Variants in RACGAP1 observed in about 807,000 individuals in gnomAD.
The protein encoded by RACGAP1 is Rac GTPase activating protein 1, also known as rac GTPase-activating protein 1.
RACGAP1 carries 30 observed loss-of-function variants against 78.1 expected under a neutral mutation model. That is an observed-to-expected ratio of 0.38 (90% CI 0.29 to 0.52). The LOEUF is 0.52. RACGAP1 is among the 20% of genes least tolerant of loss of function. The pLI, the probability that RACGAP1 is intolerant of heterozygous loss-of-function variation, is 0.82. For synonymous variants in RACGAP1, 231 were observed against 264.8 expected (o/e 0.87, Z 1.24); for missense variants, 587 against 777.1 (o/e 0.76, Z 2.91).
chr12:50,003,654 C>A (rs2137411897), intron 5 of RACGAP1, among the ~76,000 whole-genome samples: 1 of 152,296 alleles, frequency 6.6e-6, no homozygotes, highest in East Asian at 1.9e-4. Flanking sequence ...ACCTTTTATG[C>A]AGAAGCATCA....
intron 2 of RACGAP1, among the ~76,000 whole-genome samples, chr12:50,012,137 A>C (rs1318341606): frequency 6.6e-6 from 1 of 151,770 alleles, no homozygotes; most frequent in African/African-American, 2.4e-5. Context: ...CCAAAAAAAT[A>C]AAAACTAGGC....
chr12:49,996,776 G>A (rs539627743), intron 10 of RACGAP1, among the ~76,000 whole-genome samples: 5 of 151,384 alleles, frequency 3.3e-5, no homozygotes, highest in Non-Finnish European at 7.4e-5. Flanking sequence ...TGGGATGAAG[G>A]GGAGGAAGGA....
chr12:49,990,332 T>C lies in RACGAP1; in HGVS notation c.1835A>G (p.Lys612Arg). The C allele has an allele frequency of 6.2e-7, 1 of 1,613,352 alleles. No individual in the cohort carries two copies. The highest frequency in any genetic ancestry group is 8.5e-7 in the Non-Finnish European group (1 of 1,179,298). ...LTKNTPRFGS[K>R]SKSATNLGRQ... ...TCCTAGGTTAGTGGCAGACTTGCTTTTGCTCCCAAATCTACAATAAAAAGA... is the reference window on the plus strand; with the variant it reads ...TCCTAGGTTAGTGGCAGACTTGCTTCTGCTCCCAAATCTACAATAAAAAGA... Residue 612 changes from lysine to arginine, a missense_variant, in exon 17 of 17, where the codon AAA (lysine) becomes AGA (arginine). Coordinates refer to ENST00000312377, the MANE Select transcript of RACGAP1 (RefSeq NM_001319999.2).
chr12:50,024,453 C>G (rs1950174556), intron 1 of RACGAP1, among the ~76,000 whole-genome samples: 1 of 152,084 alleles, frequency 6.6e-6, no homozygotes, highest in Non-Finnish European at 1.5e-5. Context: ...GAAAGCTAAT[C>G]AATGGGTACA....
At chr12:50,005,639 G>C (rs911064793) in intron 3 of RACGAP1, among the ~76,000 whole-genome samples, 5 of 152,180 alleles carry the variant, frequency 3.3e-5, no homozygotes, top group African/African-American at 7.2e-5. Context: ...GGATTAACCT[G>C]CTAATCCAAG....
At chr12:50,021,829 G>A (rs1950024782) in intron 1 of RACGAP1, among the ~76,000 whole-genome samples, 1 of 152,172 alleles carries the variant, frequency 6.6e-6, no homozygotes, top group African/African-American at 2.4e-5. Flanking sequence ...GATAATCTCA[G>A]TACTTTAAGA....
chr12:49,993,304 G>T lies in RACGAP1; in HGVS notation c.1340-649C>A, dbSNP rs1027217821. 6.6e-5 allele frequency among the ~76,000 whole-genome samples: 10 copies of T among 152,152 alleles called. 1 individual carries two copies. The highest frequency in any genetic ancestry group is 1.3e-4 in the Non-Finnish European group (9 of 68,034). On this transcript the variant is annotated intron_variant, in intron 12 of 16. Transcript: ENST00000312377. ...GGCCTTAAGGTAGGGAGTAAACTTG[G>T]TATATTCTAAGAATTGAAAAAGCTC...
chr12:50,025,612 A>T, upstream of RACGAP1: 1 of 939,350 alleles, frequency 1.1e-6, no homozygotes, highest in Non-Finnish European at 1.3e-6. Context: ...GCATTCTGAC[A>T]AAGCGAAGCC....
chr12:50,031,474 A>G (rs1275354658), intron 2 of RACGAP1, among the ~76,000 whole-genome samples: 19 of 51,982 alleles, frequency 3.7e-4, no homozygotes, highest in African/African-American at 1.4e-3. Context: ...GCAAGACTCC[A>G]TCTCAAAAAA....
At chr12:50,013,235 T>C (rs562676068) in intron 2 of RACGAP1, among the ~76,000 whole-genome samples, 31 of 152,322 alleles carry the variant, frequency 2.0e-4, no homozygotes, top group African/African-American at 7.2e-4. Context: ...ATTTTTGGCA[T>C]AATCATTTCC....
intron 1 of RACGAP1, among the ~76,000 whole-genome samples, chr12:50,024,645 CT>C (rs1386003633): frequency 6.6e-6 from 1 of 151,972 alleles, no homozygotes; most frequent in Non-Finnish European, 1.5e-5. Context: ...CTTGTACCCC[CT>C]AAATATACAA....
chr12:49,990,359 A>T lies in RACGAP1; in HGVS notation c.1824-16T>A. 1 of 1,591,530 alleles carries T rather than the reference A, an allele frequency of 6.3e-7. No individual in the cohort carries two copies. The highest frequency in any genetic ancestry group is 8.6e-7 in the Non-Finnish European group (1 of 1,159,480). On this transcript the variant is annotated splice_polypyrimidine_tract_variant and intron_variant, in intron 16 of 16. Transcript: ENST00000312377. Reference sequence around the variant, plus strand: ...GCTCCCAAATCTACAATAAAAAGAGAATGAACTGGAAAAATATTCTATAAA... The same window carrying T: ...GCTCCCAAATCTACAATAAAAAGAGTATGAACTGGAAAAATATTCTATAAA...
chr12:50,027,826 AAATCAATC>A (rs532135598), upstream of RACGAP1, among the ~76,000 whole-genome samples: 5 of 152,136 alleles, frequency 3.3e-5, no homozygotes, highest in Admixed American at 2.0e-4. Flanking sequence ...ACTCCATCTC[AAATCAATC>A]AATCAATCAA....
chr12:50,033,434 C>A (rs1950353005), upstream of RACGAP1, among the ~76,000 whole-genome samples: 1 of 151,990 alleles, frequency 6.6e-6, no homozygotes, highest in African/African-American at 2.4e-5. Flanking sequence ...TGAATAGGAC[C>A]CCAACAGGGA....
At chr12:50,016,380 T>C (rs1477987446) in intron 2 of RACGAP1, among the ~76,000 whole-genome samples, 1 of 151,888 alleles carries the variant, frequency 6.6e-6, no homozygotes, top group African/African-American at 2.4e-5. Context: ...AGACTCCATC[T>C]CAAAAAAATA....
intron 2 of RACGAP1, among the ~76,000 whole-genome samples, chr12:50,010,517 G>T (rs1401547349): frequency 2.6e-5 from 4 of 151,884 alleles, no homozygotes; most frequent in Non-Finnish European, 5.9e-5. Context: ...TAGAGACGGG[G>T]TTTCACCATG....
At position 50,006,556 on chromosome 12, in the gene RACGAP1, C is replaced by A. The variant is rs780296236; in HGVS notation, c.166G>T (p.Asp56Tyr). ...TCAGTCTCTGCTTTCATCAAAAGATCCTTGTATTTCCCCAGCTCATGGTCA... is the reference window on the plus strand; with the variant it reads ...TCAGTCTCTGCTTTCATCAAAAGATACTTGTATTTCCCCAGCTCATGGTCA... Reference protein sequence around the residue: ...RTDHELGKYKDLLMKAETERS... With the variant: ...RTDHELGKYKYLLMKAETERS... Residue 56 changes from aspartate to tyrosine, a missense_variant, in exon 3 of 17, where the codon GAT becomes TAT. Physicochemically the swap from Asp to Tyr is radical, Grantham distance 160. Coordinates refer to ENST00000312377, the MANE Select transcript of RACGAP1 (RefSeq NM_001319999.2). The A allele has an allele frequency of 1.2e-6, 2 of 1,614,178 alleles. No homozygotes were observed. Among genetic ancestry groups the A allele is most frequent in the Non-Finnish European group, 1.7e-6 (2 of 1,180,030 alleles).
intron 1 of RACGAP1, among the ~76,000 whole-genome samples, chr12:50,019,550 G>C (rs1949881445): frequency 6.6e-6 from 1 of 152,006 alleles, no homozygotes; most frequent in East Asian, 1.9e-4. Context: ...ACAGTTAAAA[G>C]CGGGAGAGGG....
At chr12:50,003,181 TCCTGATCATC>T (rs1948789558) in intron 5 of RACGAP1, among the ~76,000 whole-genome samples, 1 of 152,164 alleles carries the variant, frequency 6.6e-6, no homozygotes, top group Non-Finnish European at 1.5e-5. Flanking sequence ...ATTTCCTTAC[TCCTGATCATC>T]CCTGAAAACA....
Sources: gnomAD v4.1 joint callset for allele counts (sites outside exome capture counted in the v4.1 genomes callset) on GRCh38, gnomAD v4.1.1 for gene constraint, MANE v1.5 for transcripts, NCBI Gene and HGNC (gene_info 2026-07-23, HGNC 2026-07-21) for gene names.